ITGAM: variants seen among roughly 807,000 people sequenced by gnomAD.
ITGAM encodes the protein integrin subunit alpha M.
In ITGAM, 79 loss-of-function variants were observed where a neutral mutation model predicts 137.5. The ratio of observed to expected loss-of-function variants is 0.57; its 90% CI spans 0.48 to 0.69. The LOEUF (loss-of-function observed/expected upper bound fraction) is 0.69. Among genes scored for constraint, ITGAM ranks in the 30% least tolerant of loss-of-function variants. ITGAM has a pLI of 0.00. For missense variants in ITGAM, 1,343 were observed against 1,483.5 expected, an observed-to-expected ratio of 0.91 and a Z score of 1.56; for synonymous variants, 583 against 592.3, an observed-to-expected ratio of 0.98 and a Z score of 0.23.
At position 31,299,192 on chromosome 16, in the gene ITGAM, C is replaced by T. The variant is rs76121271; in HGVS notation, c.1707+1238C>T. ...ATTGGTGCAATGTTGTACAGCAGAC[C>T]TCTTGAACTTCATCTTGCATATTGA... On this transcript the variant is annotated intron_variant, in intron 14 of 29. Transcript: ENST00000544665. 1.4e-3 allele frequency among the ~76,000 whole-genome samples: 214 copies of T among 152,242 alleles called. 8 individuals are homozygous for T. The East Asian group carries it at 0.038, about 27-fold the overall frequency.
chr16:31,296,628 C>T (rs1361230485), intron 12 of ITGAM, among the ~76,000 whole-genome samples: 1 of 152,172 alleles, frequency 6.6e-6, no homozygotes, highest in Non-Finnish European at 1.5e-5. Flanking sequence ...GTCCCCTGCA[C>T]ATTCCCTTTC....
chr16:31,290,094 A>T (rs1291474962), intron 12 of ITGAM, among the ~76,000 whole-genome samples: 1 of 151,852 alleles, frequency 6.6e-6, no homozygotes, highest in Non-Finnish European at 1.5e-5. Flanking sequence ...AAAAAAAAAA[A>T]AAAAAAAGAA....
chr16:31,312,467 T>C (rs1264178594), intron 14 of ITGAM, among the ~76,000 whole-genome samples: 1 of 152,156 alleles, frequency 6.6e-6, no homozygotes, highest in African/African-American at 2.4e-5. Flanking sequence ...TGGTCTGTCA[T>C]GCAGGCTGGA....
intron 12 of ITGAM, among the ~76,000 whole-genome samples, chr16:31,279,229 T>G (rs572549625): frequency 6.6e-6 from 1 of 152,300 alleles, no homozygotes; most frequent in Non-Finnish European, 1.5e-5. Context: ...GCAGCATGAT[T>G]TATAATTCTT....
rs530917688 is a variant in ITGAM, at chr16:31,275,692, G to A, written c.1002G>A (p.Ala334=). 22 of 1,613,722 alleles carry A rather than the reference G, an allele frequency of 1.4e-5. No homozygotes were observed. The East Asian group carries it at 2.2e-4, about 16-fold the overall frequency. ...ACCAGCTTCGGGAGAAGATCTTTGCGATCGAGGGTGAGTCAGGCATCTGTG... is the reference window on the plus strand; with the variant it reads ...ACCAGCTTCGGGAGAAGATCTTTGCAATCGAGGGTGAGTCAGGCATCTGTG... ...IQNQLREKIF[A]IEGTQTGSSS... Residue 334 remains alanine (A), a synonymous_variant, in exon 9 of 30, where the codon GCG becomes GCA. Transcript: ENST00000544665.
rs2080593671 is a variant in ITGAM, at chr16:31,331,983, CCATGTGTGTGCAAGTGTGTG to C, written c.*285_*304del. 1 of 494,806 alleles carries C rather than the reference CCATGTGTGTGCAAGTGTGTG, an allele frequency of 2.0e-6. No individual in the cohort carries two copies. Among genetic ancestry groups the C allele is most frequent in the African/African-American group, 2.0e-5 (1 of 49,788 alleles). The allele number at this position is 494,806 out of a possible 1,614,324, so 30.7% of individuals were successfully genotyped here. On this transcript the variant is annotated 3_prime_UTR_variant, in exon 30 of 30. Transcript: ENST00000544665. ...TGTGTCCAAGTGTGTGTGCGTGTGT[CCATGTGTGTGCAAGTGTGTG>C]CATGTGTGCGAGTGTGTGCATGTGT... is the stretch of plus-strand genomic sequence containing the variant.
chr16:31,261,616 C>G, intron 1 of ITGAM, 76 bp from the exon 2 acceptor site: 1 of 908,444 alleles, frequency 1.1e-6, no homozygotes, highest in Non-Finnish European at 1.8e-6. Flanking sequence ...CCTCAGCCCT[C>G]CAAAGTGCTA....
rs373794410 is a variant in ITGAM, at chr16:31,276,148, A to G, written c.1009+449A>G. 6.6e-3 allele frequency among the ~76,000 whole-genome samples: 1,007 copies of G among 152,280 alleles called. 112 individuals are homozygous for G. The South Asian group carries it at 0.2, about 30-fold the overall frequency. Reference sequence around the variant, plus strand: ...GCTTATCTTGAAAAGCTGGAAGATTAGACACCTTGAAGACCGCATTCCCAC... The same window carrying G: ...GCTTATCTTGAAAAGCTGGAAGATTGGACACCTTGAAGACCGCATTCCCAC... On this transcript the variant is annotated intron_variant, in intron 9 of 29. Transcript: ENST00000544665.
chr16:31,329,457 C>T (rs1263440740), intron 24 of ITGAM, among the ~76,000 whole-genome samples, 154 bp downstream of exon 24: 3 of 152,114 alleles, frequency 2.0e-5, no homozygotes, highest in Non-Finnish European at 2.9e-5. Context: ...CACACATACA[C>T]GCACGTATGT....
chr16:31,270,877 C>CAGAG, intron 5 of ITGAM, 77 bp from the exon 6 acceptor site: 1 of 965,730 alleles, frequency 1.0e-6, no homozygotes. Flanking sequence ...CATTGTTCAG[C>CAGAG]AGAGGGCTGA....
intron 12 of ITGAM, among the ~76,000 whole-genome samples, chr16:31,284,324 G>A (rs1348098723): frequency 2.6e-5 from 4 of 152,176 alleles, no homozygotes; most frequent in African/African-American, 9.6e-5. Context: ...TGCCCCCAGA[G>A]GTGGAGTCTA....
At chr16:31,282,973 T>C (rs2079986518) in intron 12 of ITGAM, among the ~76,000 whole-genome samples, 1 of 152,174 alleles carries the variant, frequency 6.6e-6, no homozygotes, top group African/African-American at 2.4e-5. Flanking sequence ...CTCCTTCACT[T>C]ATGAAGCTTA....
intron 8 of ITGAM, 57 bp downstream of exon 8, chr16:31,273,575 T>C: frequency 6.5e-7 from 1 of 1,537,408 alleles, no homozygotes; most frequent in Admixed American, 1.8e-5. Context: ...TGTGGATCCA[T>C]CCTCCCTTCA....
chr16:31,270,723 AT>A (rs1567248798), intron 5 of ITGAM, among the ~76,000 whole-genome samples: 1 of 107,778 alleles, frequency 9.3e-6, no homozygotes, highest in African/African-American at 4.0e-5. Context: ...ATATATATAT[AT>A]ATATATATAT....
chr16:31,325,689 CTCT>C, intron 21 of ITGAM, 67 bp downstream of exon 21: 2 of 1,561,780 alleles, frequency 1.3e-6, no homozygotes, highest in Non-Finnish European at 1.7e-6. Flanking sequence ...TCTTCTTCTT[CTCT>C]TCTTTAGTAG....
At chr16:31,322,124 T>C (rs909142799) in intron 16 of ITGAM, among the ~76,000 whole-genome samples, 1 of 152,128 alleles carries the variant, frequency 6.6e-6, no homozygotes, top group Non-Finnish European at 1.5e-5. Context: ...TCTCTAGTAA[T>C]GACAGTACTA....
intron 14 of ITGAM, 89 bp from the exon 15 acceptor site, chr16:31,321,152 C>A: frequency 4.2e-6 from 6 of 1,443,812 alleles, no homozygotes; most frequent in Non-Finnish European, 5.8e-6. Flanking sequence ...GCTTAGAGAA[C>A]CTCTGTCTGG....
At chr16:31,301,312 T>C (rs2080194923) in intron 14 of ITGAM, among the ~76,000 whole-genome samples, 1 of 152,232 alleles carries the variant, frequency 6.6e-6, no homozygotes, top group Admixed American at 6.5e-5. Flanking sequence ...ACCATTTGTC[T>C]AAGAGAGTAT....
At chr16:31,281,789 C>G (rs1260967227) in intron 12 of ITGAM, among the ~76,000 whole-genome samples, 1 of 152,162 alleles carries the variant, frequency 6.6e-6, no homozygotes, top group African/African-American at 2.4e-5. Flanking sequence ...TCTTGCTTCT[C>G]TAGTTCTTTT....
Sources: allele counts gnomAD v4.1 joint callset (sites outside exome capture counted in the v4.1 genomes callset), GRCh38; gene constraint gnomAD v4.1.1; transcripts MANE v1.5; gene names NCBI Gene and HGNC (gene_info 2026-07-23, HGNC 2026-07-21).